The following AUTS2 variants were observed in gnomAD, a reference collection of about 807,000 sequenced individuals.
The protein encoded by AUTS2 is activator of transcription and developmental regulator AUTS2, also known as autism susceptibility gene 2 protein.
AUTS2 carries 17 observed loss-of-function variants against 112.4 expected under a neutral mutation model. The observed-to-expected ratio is 0.15, with a 90% CI of 0.10 to 0.23. AUTS2 has a LOEUF of 0.23. Among genes scored for constraint, AUTS2 ranks in the 10% least tolerant of loss-of-function variants. The pLI is 1.00. For synonymous variants in AUTS2, 751 were observed against 702.7 expected (o/e 1.07, Z -1.09); for missense variants, 1,510 against 1,701.6 (o/e 0.89, Z 1.98).
intron 4 of AUTS2, among the ~76,000 whole-genome samples, chr7:70,433,012 C>T (rs899767104): frequency 1.3e-5 from 2 of 152,150 alleles, no homozygotes; most frequent in African/African-American, 2.4e-5. Flanking sequence ...GGCTTGGCAT[C>T]CGTGCTGCTT....
intron 6 of AUTS2, among the ~76,000 whole-genome samples, chr7:70,708,719 A>G (rs1481381996): frequency 1.3e-5 from 2 of 152,166 alleles, no homozygotes; most frequent in Non-Finnish European, 2.9e-5. Flanking sequence ...AGAGAGCCCC[A>G]GAATCTGCCA....
chr7:70,665,762 A>G (rs1807312082), intron 5 of AUTS2, among the ~76,000 whole-genome samples: 1 of 152,168 alleles, frequency 6.6e-6, no homozygotes. Flanking sequence ...GGATACAAAA[A>G]CCACATATAC....
chr7:70,673,882 G>A (rs1400407961), intron 5 of AUTS2, among the ~76,000 whole-genome samples: 1 of 152,156 alleles, frequency 6.6e-6, no homozygotes, highest in Admixed American at 6.5e-5. Flanking sequence ...TGTGTTTGGG[G>A]TGCCTACTCT....
chr7:69,830,251 A>T (rs1791440255), intron 1 of AUTS2, among the ~76,000 whole-genome samples: 2 of 152,090 alleles, frequency 1.3e-5, no homozygotes, highest in South Asian at 4.2e-4. Context: ...AGGCAAGGGG[A>T]AGGAGAGCGT....
chr7:69,599,301 G>A lies in AUTS2; in HGVS notation c.-353G>A, dbSNP rs535698149. On this transcript the variant is annotated 5_prime_UTR_variant, in exon 1 of 19. Transcript: ENST00000342771. The surrounding 1 kb of genome is among the most constrained non-coding windows in gnomAD (Gnocchi z 7.0). Reference sequence around the variant, plus strand: ...CGCTATTCTGATTTATTGCTTGCTTGGTGAGTTATTTTTTTTTCCTCTAAA... The same window carrying A: ...CGCTATTCTGATTTATTGCTTGCTTAGTGAGTTATTTTTTTTTCCTCTAAA... 4.8e-6 allele frequency: 1 copy of A among 207,730 alleles called. No homozygotes were observed. The highest frequency in any genetic ancestry group is 2.3e-5 in the African/African-American group (1 of 43,356). The allele number at this position is 207,730 out of a possible 1,614,324, so 12.9% of individuals were successfully genotyped here.
chr7:69,707,847 G>C (rs1459466735), intron 1 of AUTS2, among the ~76,000 whole-genome samples: 1 of 152,152 alleles, frequency 6.6e-6, no homozygotes, highest in Non-Finnish European at 1.5e-5. Flanking sequence ...AACCCCATTT[G>C]GGCTTTGCAG....
intron 1 of AUTS2, among the ~76,000 whole-genome samples, chr7:69,622,599 C>T (rs1583957917): frequency 6.6e-6 from 1 of 152,148 alleles, no homozygotes; most frequent in East Asian, 1.9e-4. Context: ...TGTGGAAAAA[C>T]ACATGTTCAG....
intron 1 of AUTS2, among the ~76,000 whole-genome samples, chr7:69,725,744 A>G (rs1016971452): frequency 1.3e-5 from 2 of 152,148 alleles, no homozygotes; most frequent in African/African-American, 4.8e-5. Context: ...TGCACTGAGA[A>G]TAGTTCCTAG....
At chr7:70,182,622 A>G (rs563029594) in intron 4 of AUTS2, among the ~76,000 whole-genome samples, 2 of 152,286 alleles carry the variant, frequency 1.3e-5, no homozygotes, top group South Asian at 4.1e-4. Flanking sequence ...GTAGAAATAG[A>G]GTGAATGTTT....
At chr7:69,848,202 C>T (rs1562925780) in intron 1 of AUTS2, among the ~76,000 whole-genome samples, 2 of 152,154 alleles carry the variant, frequency 1.3e-5, no homozygotes, top group African/African-American at 2.4e-5. Context: ...CCTGAAAATA[C>T]GAGCTACTTC....
intron 14 of AUTS2, among the ~76,000 whole-genome samples, chr7:70,779,957 G>A (rs1790958258): frequency 6.6e-6 from 1 of 151,888 alleles, no homozygotes; most frequent in African/African-American, 2.4e-5. Flanking sequence ...AGAGGATGCA[G>A]TGAACTATGA....
At chr7:70,641,413 A>C (rs1301032565) in intron 5 of AUTS2, among the ~76,000 whole-genome samples, 1 of 152,064 alleles carries the variant, frequency 6.6e-6, no homozygotes, top group African/African-American at 2.4e-5. Flanking sequence ...ATAGCCGGGC[A>C]TGGCGGTCAG....
intron 5 of AUTS2, among the ~76,000 whole-genome samples, chr7:70,613,484 G>T (rs1335183858): frequency 1.3e-5 from 2 of 152,140 alleles, no homozygotes; most frequent in Non-Finnish European, 2.9e-5. Flanking sequence ...ATTGACCCTG[G>T]TGAGAACTCA....
chr7:69,862,693 G>A (rs1431730502), intron 1 of AUTS2, among the ~76,000 whole-genome samples: 1 of 152,158 alleles, frequency 6.6e-6, no homozygotes, highest in East Asian at 1.9e-4. Context: ...GCTTAAAGGT[G>A]ACTTGGGGAG....
At chr7:70,660,727 A>T (rs937088543) in intron 5 of AUTS2, among the ~76,000 whole-genome samples, 2 of 151,984 alleles carry the variant, frequency 1.3e-5, no homozygotes, top group African/African-American at 4.8e-5. Flanking sequence ...GGTTTATTCA[A>T]CCCCATTTTA....
At chr7:70,077,339 G>T (rs1803083105) in intron 2 of AUTS2, among the ~76,000 whole-genome samples, 1 of 152,188 alleles carries the variant, frequency 6.6e-6, no homozygotes, top group Admixed American at 6.5e-5. Flanking sequence ...CTACGTCCCA[G>T]TAGTTGGCAA....
chr7:69,870,415 C>CAT (rs956238154), intron 1 of AUTS2, among the ~76,000 whole-genome samples: 2 of 72,400 alleles, frequency 2.8e-5, no homozygotes, highest in Non-Finnish European at 5.6e-5. Context: ...CAAAAATTGT[C>CAT]ATATATATAC....
chr7:70,172,174 G>A (rs560838042), intron 4 of AUTS2, among the ~76,000 whole-genome samples: 85 of 152,280 alleles, frequency 5.6e-4, no homozygotes, highest in Non-Finnish European at 1.1e-3. Context: ...ATATGGCCAT[G>A]GAGTGGTGGA....
At chr7:69,606,045 CT>C (rs1037493328) in intron 1 of AUTS2, among the ~76,000 whole-genome samples, 1 of 151,690 alleles carries the variant, frequency 6.6e-6, no homozygotes, top group Non-Finnish European at 1.5e-5. Flanking sequence ...CTACTTGCAC[CT>C]TTTTTTTGGA....
Sources: allele counts gnomAD v4.1 joint callset (sites outside exome capture counted in the v4.1 genomes callset), GRCh38; gene constraint gnomAD v4.1.1; non-coding constraint Gnocchi (gnomAD v3.1); transcripts MANE v1.5; gene names NCBI Gene and HGNC (gene_info 2026-07-23, HGNC 2026-07-21).